Variants in RGS7 observed in about 807,000 individuals in gnomAD.
RGS7 encodes regulator of G protein signaling 7.
Under a neutral mutation model 81.1 loss-of-function variants are expected in RGS7, and 27 were observed. The ratio of observed to expected loss-of-function variants is 0.33; its 90% CI spans 0.25 to 0.46. The LOEUF (loss-of-function observed/expected upper bound fraction) is 0.46, where lower values mean the gene tolerates loss of function less well. RGS7 is among the 20% of genes least tolerant of loss of function. RGS7 has a pLI of 1.00. For missense variants in RGS7, 396 were observed against 607.4 expected, an observed-to-expected ratio of 0.65 and a Z score of 3.66; for synonymous variants, 208 against 207.7, an observed-to-expected ratio of 1.00 and a Z score of -0.01.
chr1:240,835,429 G>A (rs922665644), intron 9 of RGS7, among the ~76,000 whole-genome samples: 4 of 152,120 alleles, frequency 2.6e-5, no homozygotes, highest in Admixed American at 6.5e-5. Context: ...AATCCAGAAC[G>A]CTGAAAACAC....
At chr1:241,216,692 G>A (rs2074578658) in intron 2 of RGS7, among the ~76,000 whole-genome samples, 2 of 152,266 alleles carry the variant, frequency 1.3e-5, no homozygotes, top group Admixed American at 6.5e-5. Context: ...ATTGATTTAG[G>A]AATGAGTTTG....
intron 6 of RGS7, among the ~76,000 whole-genome samples, chr1:240,927,991 G>A (rs573266880): frequency 3.2e-4 from 48 of 152,228 alleles, no homozygotes; most frequent in Middle Eastern, 3.4e-3. Flanking sequence ...GTCTGGGAAT[G>A]CCTCCAAGGT....
intron 2 of RGS7, among the ~76,000 whole-genome samples, chr1:241,338,545 C>T (rs1433378948): frequency 6.6e-6 from 1 of 152,110 alleles, no homozygotes; most frequent in East Asian, 1.9e-4. Flanking sequence ...CCCTAGCATA[C>T]TGAGCTGGCA....
intron 6 of RGS7, among the ~76,000 whole-genome samples, chr1:240,889,844 G>A (rs1667993470): frequency 6.6e-6 from 1 of 152,064 alleles, no homozygotes; most frequent in Admixed American, 6.5e-5. Flanking sequence ...AAGAGCCCTG[G>A]CCCTGTTCTT....
In RGS7 at chr1:240,813,743, C is replaced by T. The variant is rs375189021; in HGVS notation, c.846-15G>A. The T allele has an allele frequency of 5.7e-5, 88 of 1,544,660 alleles. No homozygotes were observed. The highest frequency in any genetic ancestry group is 7.8e-5 in the Non-Finnish European group (87 of 1,117,112). Reference sequence around the variant, plus strand: ...AACTTAGTAGACTAAGGAGAAAAAACATTTCCAGTTTCTTTAGTTTTCTGA... The same window carrying T: ...AACTTAGTAGACTAAGGAGAAAAAATATTTCCAGTTTCTTTAGTTTTCTGA... On this transcript the variant is annotated splice_polypyrimidine_tract_variant and intron_variant, in intron 12 of 18. Transcript: ENST00000440928.
intron 9 of RGS7, among the ~76,000 whole-genome samples, chr1:240,854,001 A>G (rs542886492): frequency 2.4e-4 from 37 of 151,708 alleles, no homozygotes; most frequent in African/African-American, 8.7e-4. Flanking sequence ...AAAAACATTC[A>G]GGAATGTTCT....
At chr1:240,847,377 G>C (rs1039699970) in intron 9 of RGS7, among the ~76,000 whole-genome samples, 3 of 152,158 alleles carry the variant, frequency 2.0e-5, no homozygotes, top group Non-Finnish European at 4.4e-5. Flanking sequence ...GAGGCATTTA[G>C]TAAAATCTCA....
intron 2 of RGS7, among the ~76,000 whole-genome samples, chr1:241,147,783 TATATATATATA>T (rs2068435191): frequency 5.5e-5 from 5 of 90,532 alleles, no homozygotes; most frequent in Middle Eastern, 5.3e-3. Flanking sequence ...TTAAGTTTTA[TATATATATATA>T]TATATATATA....
intron 2 of RGS7, among the ~76,000 whole-genome samples, chr1:241,130,252 G>T (rs1240646691): frequency 1.3e-5 from 2 of 151,762 alleles, no homozygotes; most frequent in Admixed American, 1.3e-4. Context: ...TAGATAAAAA[G>T]CCCAAAAATA....
At chr1:241,171,930 A>G (rs531098055) in intron 2 of RGS7, among the ~76,000 whole-genome samples, 1 of 152,330 alleles carries the variant, frequency 6.6e-6, no homozygotes, top group South Asian at 2.1e-4. Flanking sequence ...TCTTTCTTCA[A>G]TGGGCTGTTT....
chr1:241,109,614 C>T (rs2065370452), intron 2 of RGS7, among the ~76,000 whole-genome samples: 1 of 152,062 alleles, frequency 6.6e-6, no homozygotes, highest in African/African-American at 2.4e-5. Context: ...TGTATGTTCA[C>T]CAACAGGACG....
At chr1:241,331,932 T>C (rs1240571916) in intron 2 of RGS7, among the ~76,000 whole-genome samples, 2 of 152,202 alleles carry the variant, frequency 1.3e-5, no homozygotes, top group Non-Finnish European at 2.9e-5. Flanking sequence ...GGAGGAAACC[T>C]GCTGGCCTGG....
At chr1:241,282,694 G>C (rs1430398107) in intron 2 of RGS7, among the ~76,000 whole-genome samples, 2 of 152,190 alleles carry the variant, frequency 1.3e-5, no homozygotes, top group Admixed American at 1.3e-4. Context: ...AATGCTAGCT[G>C]TAGGGTTTCT....
At chr1:240,823,157 C>T in intron 10 of RGS7, 1 of 1,160,758 alleles carries the variant, frequency 8.6e-7, no homozygotes, top group Non-Finnish European at 1.3e-6. Flanking sequence ...TTGGGGATTT[C>T]CCCATAGAAG....
intron 2 of RGS7, among the ~76,000 whole-genome samples, chr1:241,311,710 G>A (rs1487757300): frequency 2.0e-5 from 3 of 152,114 alleles, no homozygotes; most frequent in Non-Finnish European, 2.9e-5. Flanking sequence ...AAACAATCAC[G>A]AAATTCACAT....
intron 9 of RGS7, among the ~76,000 whole-genome samples, chr1:240,862,944 T>C (rs1299515053): frequency 1.3e-5 from 2 of 151,770 alleles, no homozygotes; most frequent in African/African-American, 4.8e-5. Context: ...TGTGTGTGTG[T>C]GTGTGTGTGT....
intron 3 of RGS7, among the ~76,000 whole-genome samples, chr1:241,088,975 G>C (rs2063655976): frequency 1.4e-5 from 2 of 146,964 alleles, no homozygotes; most frequent in Admixed American, 6.8e-5. Context: ...GGCGCGAGTT[G>C]AGACTGCGCG....
intron 18 of RGS7, among the ~76,000 whole-genome samples, chr1:240,790,623 A>C (rs186260681): frequency 2.6e-5 from 4 of 152,342 alleles, no homozygotes; most frequent in African/African-American, 9.6e-5. Context: ...AAGTTACAGA[A>C]AAGTGGATTA....
intron 2 of RGS7, among the ~76,000 whole-genome samples, chr1:241,114,190 C>A (rs2065727767): frequency 6.6e-6 from 1 of 152,116 alleles, no homozygotes; most frequent in African/African-American, 2.4e-5. Context: ...GCAATGACAA[C>A]CAGCTTCCCT....
Sources: gnomAD v4.1 joint callset for allele counts (sites outside exome capture counted in the v4.1 genomes callset) on GRCh38, gnomAD v4.1.1 for gene constraint, MANE v1.5 for transcripts, NCBI Gene and HGNC (gene_info 2026-07-23, HGNC 2026-07-21) for gene names.